Variants in SYT16 observed in about 807,000 individuals in gnomAD.
SYT16 encodes synaptotagmin 16.
Under a neutral mutation model 61.4 loss-of-function variants are expected in SYT16, and 42 were observed. The observed-to-expected ratio is 0.68, with a 90% confidence interval of 0.53 to 0.89. SYT16 has a LOEUF of 0.89. Among genes scored for constraint, SYT16 ranks in the 40% least tolerant of loss-of-function variants. SYT16 has a pLI of 0.00. For synonymous variants in SYT16, 314 were observed against 302.3 expected (o/e 1.04, Z -0.40); for missense variants, 804 against 807.3 (o/e 1.00, Z 0.05).
chr14:61,962,124 A>G (rs537831814), intron 1 of SYT16, among the ~76,000 whole-genome samples: 5 of 152,154 alleles, frequency 3.3e-5, no homozygotes, highest in Non-Finnish European at 7.4e-5. Context: ...TTGAGGATGG[A>G]GAATGGGAGG....
intron 3 of SYT16, among the ~76,000 whole-genome samples, chr14:61,997,131 T>C (rs1015998932): frequency 6.6e-6 from 1 of 152,092 alleles, no homozygotes; most frequent in African/African-American, 2.4e-5. Context: ...TGAGCACATA[T>C]TGGGCCTTCA....
chr14:61,918,176 T>G (rs2049190740), intron 1 of SYT16, among the ~76,000 whole-genome samples: 1 of 152,214 alleles, frequency 6.6e-6, no homozygotes, highest in African/African-American at 2.4e-5. Flanking sequence ...TTGATGTATG[T>G]TGCTGGCCAC....
At chr14:62,011,119 T>G (rs2140703400) in intron 3 of SYT16, among the ~76,000 whole-genome samples, 1 of 152,276 alleles carries the variant, frequency 6.6e-6, no homozygotes, top group African/African-American at 2.4e-5. Flanking sequence ...TGAACTAAAC[T>G]CAAATTAGGA....
At chr14:61,990,607 G>T (rs1196730450) in intron 2 of SYT16, among the ~76,000 whole-genome samples, 1 of 152,118 alleles carries the variant, frequency 6.6e-6, no homozygotes, top group African/African-American at 2.4e-5. Context: ...ATAATCCTTT[G>T]AAAATCACAC....
intron 1 of SYT16, among the ~76,000 whole-genome samples, chr14:61,836,445 G>A (rs1394046077): frequency 2.0e-5 from 3 of 152,186 alleles, no homozygotes; most frequent in Non-Finnish European, 4.4e-5. Flanking sequence ...TGGAGGGATA[G>A]GAGAAGTTTA....
At chr14:62,048,550 T>C (rs1277261752) in intron 3 of SYT16, among the ~76,000 whole-genome samples, 1 of 152,236 alleles carries the variant, frequency 6.6e-6, no homozygotes, top group Non-Finnish European at 1.5e-5. Flanking sequence ...GCTTCTCTGG[T>C]TCTTTTAATT....
chr14:61,986,748 C>T (rs1382963346), intron 2 of SYT16, among the ~76,000 whole-genome samples: 1 of 152,024 alleles, frequency 6.6e-6, no homozygotes. Context: ...AATATTAAAT[C>T]ATTTAAAATG....
intron 4 of SYT16, among the ~76,000 whole-genome samples, chr14:62,071,415 C>T (rs922953314): frequency 3.9e-5 from 6 of 152,136 alleles, no homozygotes; most frequent in African/African-American, 1.4e-4. Context: ...GAACGAGCAA[C>T]AAATTATCTC....
intron 1 of SYT16, among the ~76,000 whole-genome samples, chr14:61,840,443 T>C (rs2046269793): frequency 6.6e-6 from 1 of 152,074 alleles, no homozygotes; most frequent in African/African-American, 2.4e-5. Flanking sequence ...ATATACATGT[T>C]GATGAGTAGG....
intron 1 of SYT16, among the ~76,000 whole-genome samples, chr14:61,871,520 T>C (rs1041673810): frequency 1.3e-5 from 2 of 152,176 alleles, no homozygotes; most frequent in Non-Finnish European, 2.9e-5. Context: ...TGACCTGCTC[T>C]CCAGGCAGTG....
intron 1 of SYT16, among the ~76,000 whole-genome samples, chr14:61,833,364 C>T (rs1454836102): frequency 1.3e-5 from 2 of 150,868 alleles, no homozygotes; most frequent in Non-Finnish European, 2.9e-5. Flanking sequence ...TCGATCTCAG[C>T]TCACTGCAAC....
At chr14:62,023,820 T>A (rs1010747015) in intron 3 of SYT16, among the ~76,000 whole-genome samples, 5 of 152,160 alleles carry the variant, frequency 3.3e-5, no homozygotes. Flanking sequence ...TCGTGTAGTC[T>A]TGCTACCTTG....
chr14:61,869,417 T>A (rs141381617), intron 1 of SYT16, among the ~76,000 whole-genome samples: 1 of 152,166 alleles, frequency 6.6e-6, no homozygotes, highest in African/African-American at 2.4e-5. Flanking sequence ...TAGCTCTATC[T>A]TTTTTGTTGT....
chr14:62,059,726 G>C (rs2055737869), intron 3 of SYT16, among the ~76,000 whole-genome samples: 1 of 145,192 alleles, frequency 6.9e-6, no homozygotes, highest in Admixed American at 6.9e-5. Flanking sequence ...TATATGTATA[G>C]CTACATATAT....
intron 3 of SYT16, among the ~76,000 whole-genome samples, chr14:62,018,673 C>G (rs1021843291): frequency 1.3e-5 from 2 of 152,144 alleles, no homozygotes. Flanking sequence ...ATCTGGAACA[C>G]CCAAACTCCA....
chr14:61,912,501 A>G (rs1172431576), intron 1 of SYT16, among the ~76,000 whole-genome samples: 1 of 152,212 alleles, frequency 6.6e-6, no homozygotes, highest in African/African-American at 2.4e-5. Flanking sequence ...TTTGCTGTCT[A>G]GCAAAGAGTA....
intron 1 of SYT16, among the ~76,000 whole-genome samples, chr14:61,839,263 A>G (rs1487298352): frequency 2.6e-5 from 4 of 152,060 alleles, no homozygotes; most frequent in African/African-American, 7.2e-5. Context: ...TATAAAAACA[A>G]CTCTTGGGAG....
intron 3 of SYT16, among the ~76,000 whole-genome samples, chr14:62,014,952 T>G (rs2053610161): frequency 6.6e-6 from 1 of 152,178 alleles, no homozygotes; most frequent in Non-Finnish European, 1.5e-5. Context: ...ACCTTTGGTT[T>G]CATCTCCCCC....
chr14:61,853,694 T>C (rs544890061), intron 1 of SYT16, among the ~76,000 whole-genome samples: 1 of 152,328 alleles, frequency 6.6e-6, no homozygotes, highest in Admixed American at 6.5e-5. Flanking sequence ...CGCTAGCTTA[T>C]GGCATTTTGT....
Sources: allele counts gnomAD v4.1 joint callset (sites outside exome capture counted in the v4.1 genomes callset), GRCh38; gene constraint gnomAD v4.1.1; transcripts MANE v1.5; gene names NCBI Gene and HGNC (gene_info 2026-07-23, HGNC 2026-07-21).